Variants in TTC34 observed in about 807,000 individuals in gnomAD.
TTC34 encodes tetratricopeptide repeat protein 34.
In TTC34, 44 loss-of-function variants were observed where a neutral mutation model predicts 40.7. The ratio of observed to expected loss-of-function variants is 1.08; its 90% confidence interval spans 0.85 to 1.39. The LOEUF (loss-of-function observed/expected upper bound fraction) is 1.39, where lower values mean the gene tolerates loss of function less well. TTC34 is among the 40% of genes most tolerant of loss of function. The probability of loss-of-function intolerance (pLI) is 0.00; values close to 1 mark genes in which losing one functional copy is unlikely to be tolerated. For synonymous variants in TTC34, 422 were observed against 398.6 expected, an observed-to-expected ratio of 1.06 and a Z score of -0.70; for missense variants, 884 against 838.0, an observed-to-expected ratio of 1.05 and a Z score of -0.68.
chr1:2,697,476 C>CACCCTACA (rs1433196794), intron 6 of TTC34, among the ~76,000 whole-genome samples: 4 of 152,330 alleles, frequency 2.6e-5, no homozygotes, highest in African/African-American at 4.8e-5. Flanking sequence ...CCTGGAACAG[C>CACCCTACA]TCCCTGCACC....
At chr1:2,649,393 G>A (rs531256023) in intron 6 of TTC34, among the ~76,000 whole-genome samples, 25 of 151,034 alleles carry the variant, frequency 1.7e-4, no homozygotes, top group Non-Finnish European at 3.4e-4. Context: ...CTGGATCAAC[G>A]CTCAAACCTT....
At chr1:2,752,411 ACC>A (rs1641351302) in intron 6 of TTC34, among the ~76,000 whole-genome samples, 2 of 14,152 alleles carry the variant, frequency 1.4e-4, no homozygotes, top group African/African-American at 3.5e-4. Context: ...GCACCCACAC[ACC>A]CAGGTGAGCA....
intron 6 of TTC34, among the ~76,000 whole-genome samples, chr1:2,660,085 G>GATA (rs1639486002): frequency 7.1e-6 from 1 of 140,316 alleles, no homozygotes; most frequent in Non-Finnish European, 1.5e-5. Flanking sequence ...GAGAGCATCC[G>GATA]GCAGCCTGCA....
At chr1:2,653,330 C>A (rs1639215598) in intron 6 of TTC34, among the ~76,000 whole-genome samples, 1 of 149,672 alleles carries the variant, frequency 6.7e-6, no homozygotes, top group Non-Finnish European at 1.5e-5. Context: ...ACACACACCC[C>A]CAGGTGAGCA....
At chr1:2,751,643 C>G (rs1472231114) in intron 6 of TTC34, among the ~76,000 whole-genome samples, 18 of 2,416 alleles carry the variant, frequency 7.5e-3, no homozygotes, top group East Asian at 0.018. Flanking sequence ...GAACAGCACC[C>G]ACACCCCCAG....
intron 6 of TTC34, among the ~76,000 whole-genome samples, chr1:2,648,417 C>T (rs2100990856): frequency 6.6e-6 from 1 of 152,302 alleles, no homozygotes; most frequent in South Asian, 2.1e-4. Flanking sequence ...TAGGGTGTGG[C>T]CTTTCTGGGG....
At chr1:2,752,692 C>T (rs1324393999) in intron 6 of TTC34, among the ~76,000 whole-genome samples, 8 of 140,492 alleles carry the variant, frequency 5.7e-5, no homozygotes, top group African/African-American at 1.7e-4. Context: ...AGCACCCATA[C>T]GCCCAGATGA....
exon 9 of TTC34, chr1:2,637,921 ATGC>A (rs1428574826): frequency 2.0e-5 from 3 of 152,230 alleles, no homozygotes; most frequent in Non-Finnish European, 2.9e-5. Flanking sequence ...AAGGAACTGG[ATGC>A]TGAAGCTTGG....
At chr1:2,688,348 C>T (rs1165600495) in intron 6 of TTC34, among the ~76,000 whole-genome samples, 1 of 141,368 alleles carries the variant, frequency 7.1e-6, no homozygotes, top group African/African-American at 2.8e-5. Flanking sequence ...GAGCATCGGA[C>T]AGCCTGGAGC....
exon 4 of TTC34, chr1:2,787,497 A>C (rs1643605676): frequency 6.7e-7 from 1 of 1,495,336 alleles, no homozygotes; most frequent in Non-Finnish European, 9.0e-7. Flanking sequence ...GGCGTCATAG[A>C]AGAAGCCCCT....
At chr1:2,749,439 G>C (rs1165942625) in intron 6 of TTC34, among the ~76,000 whole-genome samples, 606 of 43,742 alleles carry the variant, frequency 0.014, no homozygotes, top group Middle Eastern at 0.048. Context: ...GAACAGCACC[G>C]ACACCCCCAG....
At chr1:2,772,819 C>T (rs1206531596) in intron 6 of TTC34, among the ~76,000 whole-genome samples, 57 of 76,384 alleles carry the variant, frequency 7.5e-4, no homozygotes, top group African/African-American at 2.4e-3. Context: ...CCCACGCCCC[C>T]AGGTGAGCAT....
intron 3 of TTC34, among the ~76,000 whole-genome samples, chr1:2,788,009 G>C (rs549380379): frequency 6.6e-6 from 1 of 152,232 alleles, no homozygotes; most frequent in Non-Finnish European, 1.5e-5. Flanking sequence ...AAACACAGAC[G>C]AACAATTTGG....
intron 5 of TTC34, among the ~76,000 whole-genome samples, chr1:2,785,509 G>C (rs1643571329): frequency 1.3e-5 from 2 of 152,178 alleles, no homozygotes; most frequent in African/African-American, 4.8e-5. Flanking sequence ...CTTGTCATTA[G>C]CTAGGAAAGG....
exon 9 of TTC34, chr1:2,641,394 C>T (rs904441064): frequency 1.3e-6 from 2 of 1,523,472 alleles, no homozygotes; most frequent in South Asian, 2.4e-5. Context: ...CCTGAGGATG[C>T]CTCCCTCCGG....
chr1:2,748,550 A>AC (rs1641220197), intron 6 of TTC34, among the ~76,000 whole-genome samples: 1 of 146,720 alleles, frequency 6.8e-6, no homozygotes, highest in African/African-American at 2.5e-5. Flanking sequence ...AGCCTGGAAC[A>AC]GCAACCACAC....
intron 6 of TTC34, among the ~76,000 whole-genome samples, chr1:2,756,829 CG>C (rs1641523142): frequency 6.7e-5 from 1 of 14,980 alleles, no homozygotes; most frequent in Non-Finnish European, 1.6e-4. Flanking sequence ...ACCCACACCC[CG>C]AGGCGAGCAT....
intron 6 of TTC34, among the ~76,000 whole-genome samples, chr1:2,686,515 C>A (rs1469468676): frequency 8.4e-5 from 10 of 118,848 alleles, no homozygotes; most frequent in South Asian, 2.6e-4. Context: ...CGAACAGCAC[C>A]CTGCACCCCC....
intron 8 of TTC34, among the ~76,000 whole-genome samples, chr1:2,643,692 C>T (rs565275135): frequency 7.2e-5 from 11 of 152,216 alleles, no homozygotes; most frequent in Non-Finnish European, 1.6e-4. Context: ...ACCGAACTGC[C>T]CCTTACACTG....
Sources: allele counts gnomAD v4.1 joint callset (sites outside exome capture counted in the v4.1 genomes callset), GRCh38; gene constraint gnomAD v4.1.1; transcripts MANE v1.5; gene names NCBI Gene and HGNC (gene_info 2026-07-23, HGNC 2026-07-21).